PARD3B: variants seen among roughly 807,000 people sequenced by gnomAD.
The protein encoded by PARD3B is partitioning defective 3 homolog B.
Under a neutral mutation model 130.2 loss-of-function variants are expected in PARD3B, and 103 were observed. The ratio of observed to expected loss-of-function variants is 0.79; its 90% confidence interval spans 0.67 to 0.93. The LOEUF (loss-of-function observed/expected upper bound fraction) is 0.93, where lower values mean the gene tolerates loss of function less well. Among genes scored for constraint, PARD3B ranks in the 40% least tolerant of loss-of-function variants. The pLI, the probability that PARD3B is intolerant of heterozygous loss-of-function variation, is 0.00. For missense variants in PARD3B, 1,609 were observed against 1,499.2 expected (o/e 1.07, Z -1.21); for synonymous variants, 583 against 553.2 (o/e 1.05, Z -0.76).
rs1245933527 is a variant in PARD3B at position 205,142,727 on chromosome 2, A to G, written c.1435-15995A>G. Among the ~76,000 whole-genome samples the G allele has an allele frequency of 6.6e-6, 1 of 151,852 alleles. No individual in the cohort carries two copies. The highest frequency in any genetic ancestry group is 2.4e-5 in the African/African-American group (1 of 41,276). ...ACCCCGTCTCTACTAAAAATACAAA[A>G]ATTAGCCAGGCGTGGTGGTGCGTGC... On this transcript the variant is annotated intron_variant, in intron 10 of 22. Transcript: ENST00000406610. The surrounding 1 kb of genome is among the most constrained non-coding windows in gnomAD (Gnocchi z 4.3).
chr2:205,583,187 C>A (rs1008228842), intron 22 of PARD3B, among the ~76,000 whole-genome samples: 3 of 152,172 alleles, frequency 2.0e-5, no homozygotes, highest in African/African-American at 7.2e-5. Flanking sequence ...CTTCATTTAA[C>A]AAGTACGCAG....
At chr2:204,605,233 G>A (rs2033668417) in intron 1 of PARD3B, among the ~76,000 whole-genome samples, 1 of 152,148 alleles carries the variant, frequency 6.6e-6, no homozygotes, top group African/African-American at 2.4e-5. Context: ...AGGGGAATTA[G>A]ACTTTCCATG....
intron 20 of PARD3B, among the ~76,000 whole-genome samples, chr2:205,491,331 G>C (rs1360958562): frequency 6.6e-6 from 1 of 152,164 alleles, no homozygotes; most frequent in South Asian, 2.1e-4. Flanking sequence ...CATATGGCTA[G>C]CCAGTTTTCC....
At chr2:205,077,028 A>G (rs1701110223) in intron 4 of PARD3B, among the ~76,000 whole-genome samples, 1 of 152,220 alleles carries the variant, frequency 6.6e-6, no homozygotes, top group African/African-American at 2.4e-5. Context: ...TCACTGCGTC[A>G]CAACTCATTA....
At chr2:205,455,131 C>G (rs1188453556) in intron 20 of PARD3B, among the ~76,000 whole-genome samples, 1 of 152,070 alleles carries the variant, frequency 6.6e-6, no homozygotes, top group African/African-American at 2.4e-5. Flanking sequence ...TGATTTAAAA[C>G]CTGGCTCTGC....
intron 21 of PARD3B, among the ~76,000 whole-genome samples, chr2:205,512,099 T>C (rs111957070): frequency 1.3e-5 from 2 of 152,290 alleles, no homozygotes; most frequent in Non-Finnish European, 2.9e-5. Flanking sequence ...TACGGTAATA[T>C]TGGAATTGCC....
In PARD3B at chr2:205,412,595, A is replaced by G. The variant is rs192631256; in HGVS notation, c.2741+11472A>G. ...TCTATTGCCTACTGCATACAGTGCA[A>G]ACTCTTTGTCCTAACACATCTGACT... On this transcript the variant is annotated intron_variant, in intron 19 of 22. Transcript: ENST00000406610. Among the ~76,000 whole-genome samples, 443 of 152,278 alleles carry G rather than the reference A, an allele frequency of 2.9e-3. 3 individuals carry two copies. The highest frequency in any genetic ancestry group is 6.8e-3 in the Middle Eastern group (2 of 294).
intron 2 of PARD3B, among the ~76,000 whole-genome samples, chr2:204,718,599 A>G (rs1303280849): frequency 6.6e-6 from 1 of 152,142 alleles, no homozygotes; most frequent in East Asian, 1.9e-4. Context: ...TTGGGTGGGG[A>G]CACAGAGCCA....
At chr2:204,853,839 A>G (rs929706028) in intron 2 of PARD3B, among the ~76,000 whole-genome samples, 32 of 152,212 alleles carry the variant, frequency 2.1e-4, no homozygotes, top group African/African-American at 7.7e-4. Context: ...CATTTTAATA[A>G]GTAATTGCAC....
At position 205,473,323 on chromosome 2, in the gene PARD3B, T is replaced by C. The variant is rs1473289201; in HGVS notation, c.3045-26573T>C. Among the ~76,000 whole-genome samples, 17 of 152,228 alleles carry C rather than the reference T, an allele frequency of 1.1e-4. No homozygotes were observed. In the South Asian group the frequency reaches 3.5e-3, roughly 32 times the overall value. On this transcript the variant is annotated intron_variant, in intron 20 of 22. Coordinates refer to ENST00000406610, the MANE Select transcript of PARD3B (RefSeq NM_001302769.2). This position sits in a 1 kb window ranked among gnomAD's most constrained non-coding sequence, Gnocchi z 4.9. ...TAGGTTAATTTTTCATGGATCGTTA[T>C]GAAAAATATAAACAAACTTAAAATT...
At chr2:205,418,338 A>T (rs1455062940) in intron 19 of PARD3B, among the ~76,000 whole-genome samples, 1 of 152,192 alleles carries the variant, frequency 6.6e-6, no homozygotes, top group Admixed American at 6.6e-5. Flanking sequence ...ATAATTCAGC[A>T]AATATTAATT....
At chr2:205,509,749 G>A (rs189591089) in intron 21 of PARD3B, among the ~76,000 whole-genome samples, 3 of 152,284 alleles carry the variant, frequency 2.0e-5, no homozygotes, top group Non-Finnish European at 4.4e-5. Context: ...TCCACGTATG[G>A]AGCCCAAGCT....
chr2:204,842,256 A>G (rs2125589521), intron 2 of PARD3B, among the ~76,000 whole-genome samples: 1 of 152,282 alleles, frequency 6.6e-6, no homozygotes, highest in African/African-American at 2.4e-5. Flanking sequence ...ATGAGGTGAT[A>G]TAAAACTCCC....
rs849215 is a variant in PARD3B at position 205,341,262 on chromosome 2, G to A, written c.2630+39561G>A. On this transcript the variant is annotated intron_variant, in intron 18 of 22. Transcript: ENST00000406610. The surrounding 1 kb of genome is among the most constrained non-coding windows in gnomAD (Gnocchi z 4.3). ...TACTGGGTATTTTTAAAGGAAAGGAGTCAGTATATCAAAGGGATACCTGCA... is the reference window on the plus strand; with the variant it reads ...TACTGGGTATTTTTAAAGGAAAGGAATCAGTATATCAAAGGGATACCTGCA... Among the ~76,000 whole-genome samples, 151,761 of 152,206 alleles carry A rather than the reference G, an allele frequency of 1. 75,660 individuals are homozygous for A. The highest frequency in any genetic ancestry group is 1 in the Middle Eastern group (294 of 294).
intron 11 of PARD3B, among the ~76,000 whole-genome samples, chr2:205,168,239 G>T (rs1020834996): frequency 1.3e-5 from 2 of 149,802 alleles, no homozygotes. Flanking sequence ...AAGTATTTTT[G>T]CTTAGGAGTC....
intron 2 of PARD3B, among the ~76,000 whole-genome samples, chr2:204,898,773 T>G (rs1012787581): frequency 6.6e-6 from 1 of 152,210 alleles, no homozygotes; most frequent in Non-Finnish European, 1.5e-5. Context: ...TTGTATCTAA[T>G]AATATTTGCT....
chr2:205,277,624 G>A lies in PARD3B; in HGVS notation c.2186-22906G>A, dbSNP rs75428196. On this transcript the variant is annotated intron_variant, in intron 16 of 22. Coordinates refer to ENST00000406610, the MANE Select transcript of PARD3B (RefSeq NM_001302769.2). Reference sequence around the variant, plus strand: ...AGAACAGAATCTTAGAAAGAGAGACGGCAGATGCAGAGACCCAATGGAGGA... The same window carrying A: ...AGAACAGAATCTTAGAAAGAGAGACAGCAGATGCAGAGACCCAATGGAGGA... Among the ~76,000 whole-genome samples the A allele has an allele frequency of 7.0e-3, 1,061 of 152,208 alleles. 9 individuals are homozygous for A. The highest frequency in any genetic ancestry group is 0.024 in the African/African-American group (989 of 41,512).
intron 18 of PARD3B, among the ~76,000 whole-genome samples, chr2:205,358,185 AC>A (rs5837969): frequency 0.6 from 91,795 of 152,036 alleles, 30,900 homozygotes; most frequent in South Asian, 0.77. Context: ...TGTTTTCAGA[AC>A]TGTATACGTG....
intron 16 of PARD3B, among the ~76,000 whole-genome samples, chr2:205,273,121 C>T (rs565358800): frequency 6.6e-6 from 1 of 152,282 alleles, no homozygotes; most frequent in Admixed American, 6.5e-5. Flanking sequence ...TCAGTGTTCT[C>T]TGAACAGCAA....
Sources: allele counts gnomAD v4.1 joint callset (sites outside exome capture counted in the v4.1 genomes callset), GRCh38; gene constraint gnomAD v4.1.1; non-coding constraint Gnocchi (gnomAD v3.1); transcripts MANE v1.5; gene names NCBI Gene and HGNC (gene_info 2026-07-23, HGNC 2026-07-21).